Variants in KLHL1 observed in about 807,000 individuals in gnomAD.
KLHL1 encodes kelch-like protein 1.
KLHL1 carries 47 observed loss-of-function variants against 77.7 expected under a neutral mutation model. The observed-to-expected ratio is 0.60, with a 90% CI of 0.48 to 0.77. The LOEUF (loss-of-function observed/expected upper bound fraction) is 0.77. Among genes scored for constraint, KLHL1 ranks in the 30% least tolerant of loss-of-function variants. KLHL1 has a pLI of 0.00. For synonymous variants in KLHL1, 360 were observed against 325.2 expected, an observed-to-expected ratio of 1.11 and a Z score of -1.15; for missense variants, 925 against 910.8, an observed-to-expected ratio of 1.02 and a Z score of -0.20.
intron 1 of KLHL1, among the ~76,000 whole-genome samples, chr13:70,097,561 T>C (rs572585976): frequency 6.6e-6 from 1 of 152,170 alleles, no homozygotes; most frequent in South Asian, 2.1e-4. Flanking sequence ...CGTCTCAGCC[T>C]GCAATGTAAT....
chr13:69,874,000 C>T (rs981082104), intron 5 of KLHL1, among the ~76,000 whole-genome samples: 2 of 152,102 alleles, frequency 1.3e-5, no homozygotes, highest in Admixed American at 6.6e-5. Flanking sequence ...AATAAAAAGA[C>T]TTAGTCATGA....
chr13:70,014,105 T>C (rs868018374), intron 1 of KLHL1, among the ~76,000 whole-genome samples: 16 of 152,114 alleles, frequency 1.1e-4, no homozygotes, highest in African/African-American at 3.9e-4. Context: ...AATATTAATA[T>C]ACAATAAAAA....
intron 1 of KLHL1, among the ~76,000 whole-genome samples, chr13:70,096,985 C>T (rs1887807919): frequency 6.6e-6 from 1 of 151,854 alleles, no homozygotes; most frequent in Non-Finnish European, 1.5e-5. Context: ...AGATTCTGCT[C>T]CAAATGCGGT....
intron 3 of KLHL1, among the ~76,000 whole-genome samples, chr13:69,943,574 TA>T (rs1280693243): frequency 1.3e-5 from 2 of 152,074 alleles, no homozygotes; most frequent in African/African-American, 4.8e-5. Context: ...GTTTGTGAAA[TA>T]CCATAGCAAG....
rs181484180 is a variant in KLHL1 at position 69,915,914 on chromosome 13, G to A, written c.1014+24126C>T. Reference sequence around the variant, plus strand: ...ATTTACAAGAAAAAAACAAACAACCGCATCAAAAAGTGGGCAAAGGATATG... The same window carrying A: ...ATTTACAAGAAAAAAACAAACAACCACATCAAAAAGTGGGCAAAGGATATG... On this transcript the variant is annotated intron_variant, in intron 4 of 10. Coordinates refer to ENST00000377844, the MANE Select transcript of KLHL1 (RefSeq NM_020866.3). Among the ~76,000 whole-genome samples the A allele has an allele frequency of 6.5e-3, 981 of 151,978 alleles. 8 individuals are homozygous for A. The highest frequency in any genetic ancestry group is 0.02 in the African/African-American group (820 of 41,424).
chr13:69,707,908 T>TC, intron 9 of KLHL1, 112 bp from the exon 10 acceptor site: 1 of 772,592 alleles, frequency 1.3e-6, no homozygotes, highest in East Asian at 2.7e-5. Context: ...CCTTTTTTTT[T>TC]CTCTAAAGGC....
chr13:70,076,566 TGACAATGA>T (rs1593724310), intron 1 of KLHL1, among the ~76,000 whole-genome samples: 2 of 151,228 alleles, frequency 1.3e-5, no homozygotes, highest in Non-Finnish European at 1.5e-5. Flanking sequence ...TTTGACAATG[TGACAATGA>T]GTTTTTAGAC....
chr13:70,000,400 C>A (rs776781368), intron 1 of KLHL1, among the ~76,000 whole-genome samples: 1 of 151,762 alleles, frequency 6.6e-6, no homozygotes, highest in Non-Finnish European at 1.5e-5. Context: ...TAAGAAAAAT[C>A]CACAAAGTTT....
chr13:70,037,493 T>G (rs1420684722), intron 1 of KLHL1, among the ~76,000 whole-genome samples: 2 of 152,126 alleles, frequency 1.3e-5, no homozygotes, highest in Non-Finnish European at 2.9e-5. Context: ...TATTTCAATA[T>G]GACTTTCTTT....
At chr13:69,923,365 T>C (rs1882706469) in intron 4 of KLHL1, among the ~76,000 whole-genome samples, 1 of 152,154 alleles carries the variant, frequency 6.6e-6, no homozygotes, top group Non-Finnish European at 1.5e-5. Flanking sequence ...GGGATTCAAG[T>C]ATGTCTCCGT....
chr13:69,914,641 C>A (rs1035685917), intron 4 of KLHL1, among the ~76,000 whole-genome samples: 5 of 152,272 alleles, frequency 3.3e-5, no homozygotes, highest in Non-Finnish European at 2.9e-5. Flanking sequence ...CAAACAGAAT[C>A]AATTCAGCCA....
At chr13:69,713,194 G>C (rs1467910309) in intron 9 of KLHL1, among the ~76,000 whole-genome samples, 1 of 151,968 alleles carries the variant, frequency 6.6e-6, no homozygotes, top group East Asian at 1.9e-4. Context: ...ACAGTTTCTA[G>C]TTTGATTCAT....
chr13:69,954,966 C>A (rs1883823379), intron 3 of KLHL1, among the ~76,000 whole-genome samples: 1 of 150,966 alleles, frequency 6.6e-6, no homozygotes, highest in Admixed American at 6.6e-5. Context: ...TGTTTAAACA[C>A]CCTCTGAAAA....
chr13:69,771,678 G>A (rs555838893), intron 7 of KLHL1, among the ~76,000 whole-genome samples: 5 of 152,188 alleles, frequency 3.3e-5, no homozygotes, highest in African/African-American at 7.2e-5. Flanking sequence ...AGATACTAAC[G>A]GTGAAGATAT....
intron 1 of KLHL1, among the ~76,000 whole-genome samples, chr13:69,998,963 A>G (rs1409574181): frequency 1.3e-5 from 2 of 151,906 alleles, no homozygotes; most frequent in East Asian, 3.9e-4. Flanking sequence ...GTCTTGTATG[A>G]CACTCTCACC....
At chr13:69,825,117 G>A (rs912573566) in intron 6 of KLHL1, among the ~76,000 whole-genome samples, 4 of 152,146 alleles carry the variant, frequency 2.6e-5, no homozygotes, top group Admixed American at 2.6e-4. Flanking sequence ...CTGTATGATT[G>A]TTTCTCACTT....
chr13:69,902,258 G>A (rs568768918), intron 4 of KLHL1, among the ~76,000 whole-genome samples: 1 of 152,238 alleles, frequency 6.6e-6, no homozygotes, highest in South Asian at 2.1e-4. Flanking sequence ...TTTCTTTCAT[G>A]TTTGTTCAAC....
At chr13:69,919,639 A>G (rs536370342) in intron 4 of KLHL1, among the ~76,000 whole-genome samples, 1 of 152,186 alleles carries the variant, frequency 6.6e-6, no homozygotes, top group East Asian at 1.9e-4. Flanking sequence ...AGTTAAGGAT[A>G]GGGTTCTGAG....
intron 7 of KLHL1, among the ~76,000 whole-genome samples, chr13:69,778,868 G>A (rs1457512360): frequency 1.5e-5 from 2 of 133,400 alleles, no homozygotes; most frequent in African/African-American, 5.7e-5. Context: ...GTGCAATCTT[G>A]GCTTATCACA....
Sources: gnomAD v4.1 joint callset for allele counts (sites outside exome capture counted in the v4.1 genomes callset) on GRCh38, gnomAD v4.1.1 for gene constraint, MANE v1.5 for transcripts, NCBI Gene and HGNC (gene_info 2026-07-23, HGNC 2026-07-21) for gene names.